Variants in NCAM1 observed in about 807,000 individuals in gnomAD.
The protein encoded by NCAM1 is neural cell adhesion molecule 1.
NCAM1 carries 14 observed loss-of-function variants against 109.8 expected under a neutral mutation model. The ratio of observed to expected loss-of-function variants is 0.13; its 90% CI spans 0.08 to 0.20. The LOEUF (loss-of-function observed/expected upper bound fraction) is 0.20, where lower values mean the gene tolerates loss of function less well. NCAM1 is among the 10% of genes least tolerant of loss of function. The pLI, the probability that NCAM1 is intolerant of heterozygous loss-of-function variation, is 1.00. For synonymous variants in NCAM1, 418 were observed against 442.9 expected, an observed-to-expected ratio of 0.94 and a Z score of 0.70; for missense variants, 774 against 1,109.9, an observed-to-expected ratio of 0.70 and a Z score of 4.30.
intron 1 of NCAM1, among the ~76,000 whole-genome samples, chr11:112,983,563 G>T (rs1555069105): frequency 1.3e-5 from 2 of 151,808 alleles, no homozygotes. Context: ...TCTAATGTGG[G>T]CTCAGTAAGG....
chr11:113,209,578 G>A (rs2136967348), intron 7 of NCAM1, among the ~76,000 whole-genome samples: 1 of 152,298 alleles, frequency 6.6e-6, no homozygotes, highest in Middle Eastern at 3.4e-3. Flanking sequence ...GAGATGAATA[G>A]GATATGATCC....
chr11:113,189,987 A>G (rs1362546447), intron 1 of NCAM1, among the ~76,000 whole-genome samples: 1 of 152,106 alleles, frequency 6.6e-6, no homozygotes, highest in African/African-American at 2.4e-5. Context: ...GCAGGAAGAC[A>G]GGAGCATAAT....
chr11:113,205,858 A>G (rs1324990549), intron 4 of NCAM1, among the ~76,000 whole-genome samples, 185 bp from the exon 5 acceptor site: 1 of 152,196 alleles, frequency 6.6e-6, no homozygotes, highest in South Asian at 2.1e-4. Flanking sequence ...CTCCAGTACG[A>G]AAGACAAATT....
At position 113,175,041 on chromosome 11, in the gene NCAM1, G is replaced by A. The variant is rs538197796; in HGVS notation, c.53-27338G>A. 2.8e-4 allele frequency among the ~76,000 whole-genome samples: 43 copies of A among 152,338 alleles called. 1 individual carries two copies. Among genetic ancestry groups the A allele is most frequent in the Non-Finnish European group, 1.9e-4 (13 of 68,032 alleles). ...TCCTACAAAATAAGACTCCAGAGGT[G>A]CCTTGGCAACTGAGGTTGCTGGGTG... On this transcript the variant is annotated intron_variant, in intron 1 of 19. Coordinates refer to ENST00000316851, the MANE Select transcript of NCAM1 (RefSeq NM_181351.5).
In NCAM1 at chr11:113,178,188, T is replaced by C. The variant is rs567552431; in HGVS notation, c.53-24191T>C. Among the ~76,000 whole-genome samples the C allele has an allele frequency of 4.0e-4, 61 of 151,844 alleles. 1 individual carries two copies. In the South Asian group the frequency reaches 8.8e-3, roughly 22 times the overall value. On this transcript the variant is annotated intron_variant, in intron 1 of 19. Coordinates refer to ENST00000316851, the MANE Select transcript of NCAM1 (RefSeq NM_181351.5). ...GTGCTTCCATTTTAGAAGAGAAAAA[T>C]GAAGAAGGAGAGACAAAAAGTGAAC...
intron 18 of NCAM1, 54 bp from the exon 19 acceptor site, chr11:113,271,706 G>A (rs1262878535): frequency 1.4e-6 from 2 of 1,383,682 alleles, no homozygotes; most frequent in African/African-American, 2.9e-5. Flanking sequence ...CTCTTCCGTG[G>A]GAGCCCCTCC....
At chr11:113,240,909 C>A in intron 14 of NCAM1, 1 of 1,393,382 alleles carries the variant, frequency 7.2e-7, no homozygotes. Flanking sequence ...CTAATGTTAT[C>A]TCCTTCACCA....
chr11:113,132,686 G>C (rs1022790596), intron 1 of NCAM1, among the ~76,000 whole-genome samples: 6 of 151,752 alleles, frequency 4.0e-5, no homozygotes, highest in Admixed American at 1.3e-4. Context: ...GAGAGAGAGA[G>C]AGCGTGTTTA....
chr11:113,199,339 G>A (rs1401954520), intron 1 of NCAM1, among the ~76,000 whole-genome samples: 1 of 152,148 alleles, frequency 6.6e-6, no homozygotes, highest in African/African-American at 2.4e-5. Context: ...AGCAAGCAAT[G>A]GAGGGAAGGA....
At chr11:113,086,869 CAAGAT>C (rs1322711467) in intron 1 of NCAM1, among the ~76,000 whole-genome samples, 2 of 152,100 alleles carry the variant, frequency 1.3e-5, no homozygotes, top group African/African-American at 4.8e-5. Context: ...AATCTCAATA[CAAGAT>C]AAGAAAAATA....
chr11:113,020,824 C>T (rs1408364190), intron 1 of NCAM1, among the ~76,000 whole-genome samples: 4 of 152,008 alleles, frequency 2.6e-5, no homozygotes, highest in Non-Finnish European at 5.9e-5. Context: ...GGCGTGATTT[C>T]GGCTCACTGC....
intron 1 of NCAM1, among the ~76,000 whole-genome samples, chr11:113,083,262 CTTTTG>C (rs1355327498): frequency 6.6e-6 from 1 of 152,156 alleles, no homozygotes; most frequent in Admixed American, 6.5e-5. Flanking sequence ...TCATCTCCTA[CTTTTG>C]TTATGAAGAG....
intron 1 of NCAM1, among the ~76,000 whole-genome samples, chr11:112,975,470 A>T (rs1950982998): frequency 6.6e-6 from 1 of 152,180 alleles, no homozygotes; most frequent in Non-Finnish European, 1.5e-5. Flanking sequence ...TGTAATATTT[A>T]TGCCTGTGGA....
chr11:113,126,234 TATA>T lies in NCAM1; in HGVS notation c.53-76140_53-76138del, dbSNP rs553378324. On this transcript the variant is annotated intron_variant, in intron 1 of 19. Transcript: ENST00000316851. ...AAATAATAATAATAATATACAGTAATATAATAAAAACAGTAAATAGCTGCCATT... is the reference window on the plus strand; with the variant it reads ...AAATAATAATAATAATATACAGTAATATAAAAACAGTAAATAGCTGCCATT... 5.3e-5 allele frequency among the ~76,000 whole-genome samples: 8 copies of T among 151,864 alleles called. No homozygotes were observed. In the South Asian group the frequency reaches 1.7e-3, roughly 32 times the overall value.
chr11:113,227,637 A>C (rs1374393969), intron 9 of NCAM1, among the ~76,000 whole-genome samples: 1 of 152,214 alleles, frequency 6.6e-6, no homozygotes, highest in African/African-American at 2.4e-5. Context: ...AGAAAAAGAG[A>C]ATTTTAGACC....
chr11:113,090,278 A>G (rs1421861030), intron 1 of NCAM1, among the ~76,000 whole-genome samples: 1 of 152,222 alleles, frequency 6.6e-6, no homozygotes, highest in Non-Finnish European at 1.5e-5. Context: ...GTCTTGCATG[A>G]ATTATTACTT....
intron 1 of NCAM1, among the ~76,000 whole-genome samples, chr11:113,139,109 C>A (rs1431989249): frequency 6.6e-6 from 1 of 152,218 alleles, no homozygotes; most frequent in Non-Finnish European, 1.5e-5. Context: ...AAAGAGCAAA[C>A]AGACTGCCTT....
intron 3 of NCAM1, 143 bp downstream of exon 3, chr11:113,204,647 C>A: frequency 1.3e-6 from 1 of 789,192 alleles, no homozygotes; most frequent in Non-Finnish European, 2.0e-6. Flanking sequence ...CTTTTCTGAC[C>A]TTGGCCAACC....
chr11:113,209,576 T>C (rs1454031514), intron 7 of NCAM1, among the ~76,000 whole-genome samples: 4 of 152,128 alleles, frequency 2.6e-5, no homozygotes, highest in Non-Finnish European at 5.9e-5. Context: ...CAGAGATGAA[T>C]AGGATATGAT....
Sources: gnomAD v4.1 joint callset for allele counts (sites outside exome capture counted in the v4.1 genomes callset) on GRCh38, gnomAD v4.1.1 for gene constraint, MANE v1.5 for transcripts, NCBI Gene and HGNC (gene_info 2026-07-23, HGNC 2026-07-21) for gene names.